The following UNC79 variants were observed in gnomAD, a reference collection of about 807,000 sequenced individuals.
The protein encoded by UNC79 is protein unc-79 homolog.
UNC79 carries 37 observed loss-of-function variants against 283.1 expected under a neutral mutation model. The observed-to-expected ratio is 0.13, with a 90% CI of 0.10 to 0.17. The LOEUF (loss-of-function observed/expected upper bound fraction) is 0.17. Ranked by LOEUF, UNC79 falls within the 10% of genes least tolerant of loss-of-function variation. The probability of loss-of-function intolerance (pLI) is 1.00; values close to 1 mark genes in which losing one functional copy is unlikely to be tolerated. For synonymous variants in UNC79, 1,107 were observed against 1,200.2 expected (o/e 0.92, Z 1.61); for missense variants, 2,272 against 3,211.1 (o/e 0.71, Z 7.07).
intron 1 of UNC79, among the ~76,000 whole-genome samples, chr14:93,340,441 C>CAAAAAA (rs1193751068): frequency 4.0e-4 from 26 of 64,390 alleles, no homozygotes; most frequent in African/African-American, 1.2e-3. Flanking sequence ...AACGCTGTCT[C>CAAAAAA]AAAAAAAAAA....
intron 35 of UNC79, among the ~76,000 whole-genome samples, chr14:93,647,223 A>G (rs2069712144): frequency 6.6e-6 from 1 of 152,228 alleles, no homozygotes; most frequent in Non-Finnish European, 1.5e-5. Context: ...CTAGTTATTG[A>G]GGTTATAGTA....
chr14:93,494,413 T>C (rs1397590230), intron 5 of UNC79, among the ~76,000 whole-genome samples: 1 of 152,146 alleles, frequency 6.6e-6, no homozygotes. Context: ...ACTGGAGGCA[T>C]TGGAAGAAGA....
In UNC79 at chr14:93,694,421, AC is replaced by A. The variant is rs1375946556; in HGVS notation, c.7548+11del. 6.2e-7 allele frequency: 1 copy of A among 1,606,124 alleles called. No individual in the cohort carries two copies. The highest frequency in any genetic ancestry group is 1.7e-5 in the Admixed American group (1 of 59,932). ...CGACCATTTTTGTCAAGGTAGGAAAACCTTATGATTTTTAAAGACCATTTCT... is the reference window on the plus strand; with the variant it reads ...CGACCATTTTTGTCAAGGTAGGAAAACTTATGATTTTTAAAGACCATTTCT... On this transcript the variant is annotated intron_variant, in intron 47 of 48. Coordinates refer to ENST00000555664, the Ensembl canonical transcript of UNC79.
At chr14:93,377,381 A>G (rs2054583285) in intron 1 of UNC79, among the ~76,000 whole-genome samples, 2 of 152,250 alleles carry the variant, frequency 1.3e-5, no homozygotes, top group African/African-American at 4.8e-5. Context: ...GGTGTGAGCC[A>G]CTGTGCCTGG....
chr14:93,357,788 T>TATATGG (rs2054129417), intron 1 of UNC79, among the ~76,000 whole-genome samples: 3 of 129,470 alleles, frequency 2.3e-5, no homozygotes, highest in African/African-American at 8.9e-5. Flanking sequence ...GATATATGGA[T>TATATGG]ATATATATAT....
intron 1 of UNC79, among the ~76,000 whole-genome samples, chr14:93,460,550 G>A (rs1158559273): frequency 1.3e-5 from 2 of 151,038 alleles, no homozygotes; most frequent in Non-Finnish European, 3.0e-5. Context: ...CTGGTGCATA[G>A]TGGATGCTCA....
At chr14:93,513,171 T>G (rs1020318436) in intron 7 of UNC79, among the ~76,000 whole-genome samples, 1 of 147,472 alleles carries the variant, frequency 6.8e-6, no homozygotes, top group South Asian at 2.3e-4. Flanking sequence ...TTTTTTGTTT[T>G]TCCCTCCCTC....
chr14:93,374,042 C>T (rs1224530804), intron 1 of UNC79, among the ~76,000 whole-genome samples: 1 of 152,088 alleles, frequency 6.6e-6, no homozygotes, highest in East Asian at 1.9e-4. Context: ...CACTGAAAGC[C>T]TGGGGCCCCA....
At chr14:93,505,603 T>G (rs1270078671) in intron 7 of UNC79, among the ~76,000 whole-genome samples, 1 of 152,092 alleles carries the variant, frequency 6.6e-6, no homozygotes, top group Non-Finnish European at 1.5e-5. Flanking sequence ...TACTTACGAT[T>G]TTTACCTTTT....
rs35677025 is a variant in UNC79 at position 93,536,782 on chromosome 14, C to CTTTT, written c.1123-1190_1123-1187dup. 4.5e-4 allele frequency among the ~76,000 whole-genome samples: 37 copies of CTTTT among 82,438 alleles called. 1 individual carries two copies. The highest frequency in any genetic ancestry group is 9.0e-4 in the East Asian group (2 of 2,218). The allele number at this position is 82,438 out of a possible 152,430, so 54.1% of individuals were successfully genotyped here. A position where few individuals can be genotyped will look rare whatever the true frequency, so the allele number is the denominator to read the frequency against. On this transcript the variant is annotated intron_variant, in intron 11 of 48. Coordinates refer to ENST00000555664, the Ensembl canonical transcript of UNC79. ...GAAGGCACCCCCCACCCACCCCCGG[C>CTTTT]TTTTTTTTTTTTTTTTTTTTGTCTA...
At chr14:93,483,550 T>C (rs1046393169) in intron 4 of UNC79, among the ~76,000 whole-genome samples, 2 of 151,466 alleles carry the variant, frequency 1.3e-5, no homozygotes, top group Non-Finnish European at 2.9e-5. Context: ...TACTTTAAGT[T>C]CTAGGGTACA....
chr14:93,591,612 C>G (rs1234641038), intron 22 of UNC79, among the ~76,000 whole-genome samples: 2 of 152,206 alleles, frequency 1.3e-5, no homozygotes, highest in Non-Finnish European at 1.5e-5. Flanking sequence ...GATGAATTGT[C>G]TGTTTGAAAT....
chr14:93,642,993 T>C (rs575608018), intron 33 of UNC79, among the ~76,000 whole-genome samples: 2 of 152,138 alleles, frequency 1.3e-5, no homozygotes, highest in Non-Finnish European at 2.9e-5. Context: ...CATATGACAC[T>C]CGGCAGGCCT....
intron 47 of UNC79, among the ~76,000 whole-genome samples, chr14:93,696,258 A>G (rs1218631853): frequency 6.6e-6 from 1 of 152,188 alleles, no homozygotes; most frequent in Non-Finnish European, 1.5e-5. Context: ...TTACAGATAA[A>G]TCTGCTATGA....
intron 31 of UNC79, among the ~76,000 whole-genome samples, chr14:93,632,723 A>C (rs2068137661): frequency 6.6e-6 from 1 of 152,272 alleles, no homozygotes; most frequent in South Asian, 2.1e-4. Context: ...AAGATAGTGA[A>C]TTAGAGTATA....
chr14:93,532,276 G>A (rs1050969192), intron 10 of UNC79, among the ~76,000 whole-genome samples: 1 of 138,258 alleles, frequency 7.2e-6, no homozygotes, highest in Admixed American at 7.7e-5. Context: ...AGAACAGCCT[G>A]AGAAACATAG....
At chr14:93,363,758 G>C (rs1484276491) in intron 1 of UNC79, among the ~76,000 whole-genome samples, 2 of 151,164 alleles carry the variant, frequency 1.3e-5, no homozygotes, top group Non-Finnish European at 1.5e-5. Context: ...TCACTCTGTT[G>C]CCCAGGCTGG....
intron 1 of UNC79, among the ~76,000 whole-genome samples, chr14:93,357,707 A>ATATATATGGATATATGGATG (rs2054119028): frequency 8.2e-6 from 1 of 122,508 alleles, no homozygotes; most frequent in Non-Finnish European, 1.7e-5. Context: ...ATATATATAT[A>ATATATATGGATATATGGATG]TATATATATA....
At chr14:93,376,142 AAAATGG>A (rs1284361621) in intron 1 of UNC79, among the ~76,000 whole-genome samples, 2 of 152,204 alleles carry the variant, frequency 1.3e-5, no homozygotes, top group East Asian at 3.8e-4. Context: ...TAAGCAATAG[AAAATGG>A]ACTAAGACAT....
Sources: gnomAD v4.1 joint callset for allele counts (sites outside exome capture counted in the v4.1 genomes callset) on GRCh38, gnomAD v4.1.1 for gene constraint, MANE v1.5 for transcripts, NCBI Gene and HGNC (gene_info 2026-07-23, HGNC 2026-07-21) for gene names.